The following NOB1 variants were observed in gnomAD, a reference collection of about 807,000 sequenced individuals.
NOB1 encodes the protein RNA-binding protein NOB1.
Under a neutral mutation model 44.8 loss-of-function variants are expected in NOB1, and 44 were observed. The ratio of observed to expected loss-of-function variants is 0.98; its 90% CI spans 0.77 to 1.26. NOB1 has a LOEUF of 1.26. NOB1 is among the 50% of genes most tolerant of loss of function. The pLI, the probability that NOB1 is intolerant of heterozygous loss-of-function variation, is 0.00. For missense variants in NOB1, 560 were observed against 544.8 expected (o/e 1.03, Z -0.28); for synonymous variants, 238 against 218.7 (o/e 1.09, Z -0.78).
At chr16:69,745,612 A>C (rs1203601394) in intron 7 of NOB1, among the ~76,000 whole-genome samples, 1 of 152,224 alleles carries the variant, frequency 6.6e-6, no homozygotes, top group Admixed American at 6.5e-5. Flanking sequence ...AAGCCCGGGC[A>C]CTGAGTGCAG....
intron 7 of NOB1, among the ~76,000 whole-genome samples, chr16:69,747,222 C>CAAAAAAAAAAAAAAA (rs35257586): frequency 2.5e-5 from 2 of 78,604 alleles, no homozygotes; most frequent in Non-Finnish European, 4.5e-5. Context: ...ACCCTGTCTC[C>CAAAAAAAAAAAAAAA]AAAAAAAAAA....
At chr16:69,754,759 C>G (rs2038511779) in intron 1 of NOB1, 33 bp from the exon 2 acceptor site, 2 of 1,613,432 alleles carry the variant, frequency 1.2e-6, no homozygotes, top group African/African-American at 1.3e-5. Context: ...CAGACCCACC[C>G]GCACCAAGCA....
At position 69,745,012 on chromosome 16, in the gene NOB1, G is replaced by A. The variant is rs140714914; in HGVS notation, c.830C>T (p.Thr277Met). Residue 277 changes from threonine to methionine, a missense_variant, in exon 8 of 9, where the codon ACG becomes ATG. By Grantham distance (81) the Thr-to-Met change is moderately conservative. Transcript: ENST00000268802. ...GCAGAACACTCGGCTCATGTCAGAC[G>A]TTGTCCTGGGAGACACAAAAGGAGA... ...ILRCHGCFKTTSDMSRVFCSH... is the reference protein window; with the variant it reads ...ILRCHGCFKTMSDMSRVFCSH... 2.8e-4 allele frequency: 447 copies of A among 1,613,948 alleles called. 1 individual carries two copies. The highest frequency in any genetic ancestry group is 1.5e-3 in the Middle Eastern group (9 of 6,062).
intron 2 of NOB1, 99 bp downstream of exon 2, chr16:69,754,495 T>C (rs1181861566): frequency 8.7e-6 from 13 of 1,487,796 alleles, no homozygotes; most frequent in Non-Finnish European, 1.2e-5. Context: ...CTAAATCTAC[T>C]GCTCTGATAA....
At chr16:69,743,162 C>T (rs1050514222) in intron 8 of NOB1, among the ~76,000 whole-genome samples, 1 of 152,140 alleles carries the variant, frequency 6.6e-6, no homozygotes, top group African/African-American at 2.4e-5. Context: ...CTCAAAATGA[C>T]AGTGATAGAT....
intron 7 of NOB1, among the ~76,000 whole-genome samples, chr16:69,747,422 C>G (rs1373490419): frequency 1.3e-5 from 2 of 152,050 alleles, no homozygotes; most frequent in Non-Finnish European, 2.9e-5. Flanking sequence ...TGCAAAATCA[C>G]AGCAGCAGCA....
At chr16:69,747,042 G>A (rs931483443) in intron 7 of NOB1, among the ~76,000 whole-genome samples, 1 of 151,274 alleles carries the variant, frequency 6.6e-6, no homozygotes, top group African/African-American at 2.4e-5. Context: ...CTAACACGGT[G>A]AAACCCCGTC....
At position 69,749,563 on chromosome 16, in the gene NOB1, T is replaced by C; in HGVS notation, c.395A>G (p.Tyr132Cys). 6.2e-7 allele frequency: 1 copy of C among 1,613,052 alleles called. No homozygotes were observed. Among genetic ancestry groups the C allele is most frequent in the Non-Finnish European group, 8.5e-7 (1 of 1,179,418 alleles). Residue 132 changes from tyrosine to cysteine, a missense_variant, in exon 4 of 9, where the codon TAC (tyrosine) becomes TGC (cysteine). By Grantham distance (194) the Tyr-to-Cys change is radical. Transcript: ENST00000268802. ...PLHISGFHLP[Y>C]KPKPPQETEK... The stretch of plus-strand genomic sequence containing the variant: ...CTGGCTTGTCTAAGAAATTACCTTG[T>C]AGGGCAGATGGAAACCAGAAATGTG...
intron 6 of NOB1, 128 bp downstream of exon 6, chr16:69,748,790 G>A: frequency 1.2e-6 from 1 of 812,614 alleles, no homozygotes; most frequent in Non-Finnish European, 1.9e-6. Context: ...ATCACCAAAT[G>A]GCACAGGTGG....
At chr16:69,750,832 A>C (rs1024021745) in intron 3 of NOB1, among the ~76,000 whole-genome samples, 1 of 152,184 alleles carries the variant, frequency 6.6e-6, no homozygotes, top group African/African-American at 2.4e-5. Context: ...CATAGTTTTG[A>C]TGACTTTAGG....
In NOB1 at chr16:69,749,421, T is replaced by C. The variant is rs1415692121; in HGVS notation, c.400-83A>G. The C allele has an allele frequency of 4.5e-5, 70 of 1,564,332 alleles. No individual in the cohort carries two copies. In the Middle Eastern group the frequency reaches 8.4e-4, roughly 19 times the overall value. ...GTCACAGATGAAATCACATATGATA[T>C]ACAAGTCAGATCAGACAGGGCTGGA... On this transcript the variant is annotated intron_variant, in intron 4 of 8. Coordinates refer to ENST00000268802, the MANE Select transcript of NOB1 (RefSeq NM_014062.3).
At chr16:69,747,299 A>C (rs933586988) in intron 7 of NOB1, among the ~76,000 whole-genome samples, 1 of 150,516 alleles carries the variant, frequency 6.6e-6, no homozygotes, top group African/African-American at 2.4e-5. Flanking sequence ...CCACTTTAGG[A>C]GGACAAGATA....
chr16:69,743,405 A>G (rs550949879), intron 8 of NOB1, among the ~76,000 whole-genome samples: 5 of 152,366 alleles, frequency 3.3e-5, no homozygotes, highest in African/African-American at 9.6e-5. Context: ...CAAATTAAGT[A>G]TTATAAATAA....
chr16:69,745,605 C>T (rs1033622028), intron 7 of NOB1, among the ~76,000 whole-genome samples: 7 of 152,194 alleles, frequency 4.6e-5, no homozygotes, highest in African/African-American at 1.4e-4. Flanking sequence ...CTGAACTAAG[C>T]CCGGGCACTG....
chr16:69,747,271 C>T (rs1389879018), intron 7 of NOB1, among the ~76,000 whole-genome samples: 1 of 148,872 alleles, frequency 6.7e-6, no homozygotes, highest in Non-Finnish European at 1.5e-5. Context: ...AGGCAGATGG[C>T]TCAGGCCTGT....
chr16:69,743,629 A>G (rs574804447), intron 8 of NOB1, among the ~76,000 whole-genome samples: 8 of 141,466 alleles, frequency 5.7e-5, no homozygotes, highest in Non-Finnish European at 1.3e-4. Context: ...AGGACATTCT[A>G]CAAAGGAACG....
chr16:69,745,016 T>C lies in NOB1; in HGVS notation c.826A>G (p.Thr276Ala). The change falls in exon 8 of 9, where the codon ACA becomes GCA. Residue 276 changes from threonine to alanine, a missense_variant and splice_region_variant. By Grantham distance (58) the Thr-to-Ala change is moderately conservative. Transcript: ENST00000268802. ...YILRCHGCFK[T>A]TSDMSRVFCS... ...AACACTCGGCTCATGTCAGACGTTG[T>C]CCTGGGAGACACAAAAGGAGATGAT... 1 of 1,613,956 alleles carries C rather than the reference T, an allele frequency of 6.2e-7. No individual in the cohort carries two copies. The highest frequency in any genetic ancestry group is 1.1e-5 in the South Asian group (1 of 91,082).
chr16:69,749,713 C>T, intron 3 of NOB1, 83 bp from the exon 4 acceptor site: 2 of 1,028,822 alleles, frequency 1.9e-6, no homozygotes, highest in South Asian at 1.5e-5. Flanking sequence ...CACGATGGCT[C>T]ATGCCTGTAA....
At chr16:69,754,822 C>G in intron 1 of NOB1, 26 bp downstream of exon 1, 1 of 1,606,638 alleles carries the variant, frequency 6.2e-7, no homozygotes, top group Non-Finnish European at 8.5e-7. Context: ...CCAGATCTCT[C>G]TCGTCCCGGA....
Sources: allele counts gnomAD v4.1 joint callset (sites outside exome capture counted in the v4.1 genomes callset), GRCh38; gene constraint gnomAD v4.1.1; transcripts MANE v1.5; gene names NCBI Gene and HGNC (gene_info 2026-07-23, HGNC 2026-07-21).